The following PIP4K2B variants were observed in gnomAD, a reference collection of about 807,000 sequenced individuals.
PIP4K2B encodes phosphatidylinositol 5-phosphate 4-kinase type-2 beta.
A neutral mutation model predicts 42.0 loss-of-function variants in PIP4K2B; 3 were observed. That is an observed-to-expected ratio of 0.07 (90% confidence interval 0.03 to 0.18). PIP4K2B has a LOEUF of 0.18. Ranked by LOEUF, PIP4K2B falls within the 10% of genes least tolerant of loss-of-function variation. PIP4K2B has a pLI of 1.00. For synonymous variants in PIP4K2B, 204 were observed against 210.1 expected (o/e 0.97, Z 0.25); for missense variants, 332 against 562.3 (o/e 0.59, Z 4.14).
intron 7 of PIP4K2B, among the ~76,000 whole-genome samples, chr17:38,772,979 G>T (rs750134647): frequency 2.6e-5 from 4 of 152,146 alleles, no homozygotes; most frequent in Non-Finnish European, 5.9e-5. Context: ...TTCTATCCGT[G>T]AAATTGTGAA....
chr17:38,767,035 T>G lies in PIP4K2B; in HGVS notation c.*2656A>C, dbSNP rs981979225. ...CCTCGCCTAATCAGCCATGTCGTTA[T>G]TCTTACACCTTTCTTCTTGGGAGAC... On this transcript the variant is annotated 3_prime_UTR_variant, in exon 10 of 10. Transcript: ENST00000619039. 6.6e-6 allele frequency: 1 copy of G among 152,280 alleles called. No individual in the cohort carries two copies. The highest frequency in any genetic ancestry group is 2.4e-5 in the African/African-American group (1 of 41,482). 9.4% of individuals were successfully genotyped at this position (152,280 alleles called of 1,614,324 possible). A position where few individuals can be genotyped will look rare whatever the true frequency, so the allele number is the denominator to read the frequency against.
rs1909444907 is a variant in PIP4K2B at position 38,777,753 on chromosome 17, C to T, written c.741G>A (p.Gly247=). The T allele has an allele frequency of 6.2e-7, 1 of 1,614,100 alleles. No individual in the cohort carries two copies. Among genetic ancestry groups the T allele is most frequent in the African/African-American group, 1.3e-5 (1 of 74,942 alleles). Residue 247 remains glycine, a synonymous_variant, in exon 7 of 10, where the codon GGG becomes GGA. Transcript: ENST00000619039. ...TCTCCTCTCCCACATGCAGCTTCTG[C>T]CCTTCATTGAGGAAGTCATTGTCTT... ...TFKDNDFLNE[G]QKLHVGEESK...
At position 38,777,697 on chromosome 17, in the gene PIP4K2B, C is replaced by T. The variant is rs185653010; in HGVS notation, c.797G>A (p.Arg266Gln). 1.6e-5 allele frequency: 25 copies of T among 1,609,890 alleles called. No individual in the cohort carries two copies. The highest frequency in any genetic ancestry group is 8.3e-5 in the Admixed American group (5 of 60,016). Reference sequence around the variant, plus strand: ...AAGGTTAGTAAGTACCTCAACGTCCCGCTTCAGTTTCTCCAGGAAGTTCTT... The same window carrying T: ...AAGGTTAGTAAGTACCTCAACGTCCTGCTTCAGTTTCTCCAGGAAGTTCTT... ...SKKNFLEKLK[R>Q]DVEFLAQLKI... Residue 266 changes from arginine (R) to glutamine (Q), a missense_variant, in exon 7 of 10, where the codon CGG (arginine) becomes CAG (glutamine). Transcript: ENST00000619039.
At chr17:38,774,940 TTGTGTG>T (rs144917475) in intron 7 of PIP4K2B, among the ~76,000 whole-genome samples, 3 of 149,508 alleles carry the variant, frequency 2.0e-5, no homozygotes, top group Admixed American at 6.7e-5. Context: ...TAATCAGTTT[TTGTGTG>T]TGTGTGTGTG....
At chr17:38,796,453 C>T (rs1052074768) in intron 1 of PIP4K2B, among the ~76,000 whole-genome samples, 2 of 152,200 alleles carry the variant, frequency 1.3e-5, no homozygotes, top group Admixed American at 6.5e-5. Flanking sequence ...CTCCATGCTC[C>T]TCTCTGAGGC....
intron 5 of PIP4K2B, among the ~76,000 whole-genome samples, chr17:38,778,956 A>G (rs1450304011): frequency 1.3e-5 from 2 of 152,194 alleles, no homozygotes; most frequent in African/African-American, 2.4e-5. Context: ...CACAGAGGGA[A>G]GGGATGGCGG....
rs58027566 is a variant in PIP4K2B, at chr17:38,791,406, A to ATTTTTTTTTTTTTTT, written c.160-4501_160-4487dup. ...TTTCCTAATCTGGCTCAGACTGCCA[A>ATTTTTTTTTTTTTTT]TTTTTTTTTTTTTTTTTTTTTTTTT... On this transcript the variant is annotated intron_variant, in intron 1 of 9. Transcript: ENST00000619039. Among the ~76,000 whole-genome samples, 13 of 91,158 alleles carry ATTTTTTTTTTTTTTT rather than the reference A, an allele frequency of 1.4e-4. 1 individual carries two copies. Among genetic ancestry groups the ATTTTTTTTTTTTTTT allele is most frequent in the Admixed American group, 2.6e-4 (2 of 7,592 alleles). 59.8% of individuals were successfully genotyped at this position (91,158 alleles called of 152,430 possible). A position where few individuals can be genotyped will look rare whatever the true frequency, so the allele number is the denominator to read the frequency against.
Position 38,799,289 on chromosome 17 carries a change from G to A in PIP4K2B, c.136C>T (p.Leu46=). 4 of 1,606,646 alleles carry A rather than the reference G, an allele frequency of 2.5e-6. No individual in the cohort carries two copies. The highest frequency in any genetic ancestry group is 3.4e-6 in the Non-Finnish European group (4 of 1,177,260). Residue 46 remains leucine (L), a synonymous_variant, in exon 1 of 10, where the codon CTG becomes TTG. Coordinates refer to ENST00000619039, the MANE Select transcript of PIP4K2B (RefSeq NM_003559.5). The surrounding 1 kb of genome is among the most constrained non-coding windows in gnomAD (Gnocchi z 4.4). ...FRASEPILSV[L]MWGVNHTINE... is the part of the protein sequence containing the mutation. ...ACCGTGTGGTTCACCCCCCACATCAGGACGCTGAGGATCGGCTCGCTGGCC... is the reference window on the plus strand; with the variant it reads ...ACCGTGTGGTTCACCCCCCACATCAAGACGCTGAGGATCGGCTCGCTGGCC...
rs1346545510 is a variant in PIP4K2B, at chr17:38,799,485, C to A, written c.-61G>T. ...GCGGCGGAGACAGCGCACAAGCCAG[C>A]GGCCTCAGGCCTCCCCCGGACCGAT... On this transcript the variant is annotated 5_prime_UTR_variant, in exon 1 of 10. Transcript: ENST00000619039. The surrounding 1 kb of genome is among the most constrained non-coding windows in gnomAD (Gnocchi z 4.4). 1.4e-6 allele frequency: 2 copies of A among 1,479,428 alleles called. No individual in the cohort carries two copies. The highest frequency in any genetic ancestry group is 4.9e-5 in the Admixed American group (2 of 41,056). 91.6% of individuals were successfully genotyped at this position (1,479,428 alleles called of 1,614,324 possible).
chr17:38,789,180 A>G (rs954811939), intron 1 of PIP4K2B, among the ~76,000 whole-genome samples: 1 of 152,186 alleles, frequency 6.6e-6, no homozygotes, highest in African/African-American at 2.4e-5. Flanking sequence ...CATACACTAA[A>G]CTAAGGGAGA....
chr17:38,776,637 CAAAA>C lies in PIP4K2B; in HGVS notation c.807+1046_807+1049del, dbSNP rs764797087. On this transcript the variant is annotated intron_variant, in intron 7 of 9. Coordinates refer to ENST00000619039, the MANE Select transcript of PIP4K2B (RefSeq NM_003559.5). The stretch of plus-strand genomic sequence containing the variant: ...AGAACGAGAATCTCCTAAAAAAAAA[CAAAA>C]CAAACAAACAAACAAAAAAAACACC... 1.0e-4 allele frequency: 45 copies of C among 439,382 alleles called. No individual in the cohort carries two copies. The East Asian group carries it at 1.9e-3, about 19-fold the overall frequency. The allele number at this position is 439,382 out of a possible 1,614,324, so 27.2% of individuals were successfully genotyped here.
chr17:38,775,980 CTTTTT>C (rs562942370), intron 7 of PIP4K2B: 3 of 401,346 alleles, frequency 7.5e-6, no homozygotes, highest in African/African-American at 4.3e-5. Context: ...TGTTTGCTTC[CTTTTT>C]TTTTTTTTAT....
At chr17:38,789,473 G>A (rs1194181778) in intron 1 of PIP4K2B, among the ~76,000 whole-genome samples, 1 of 152,182 alleles carries the variant, frequency 6.6e-6, no homozygotes, top group Non-Finnish European at 1.5e-5. Context: ...TGGGGGGAGG[G>A]GGCACAGCCT....
intron 3 of PIP4K2B, among the ~76,000 whole-genome samples, chr17:38,781,587 G>C (rs1170038854): frequency 2.0e-5 from 3 of 152,150 alleles, no homozygotes; most frequent in African/African-American, 7.2e-5. Context: ...TGAGATCTCA[G>C]CTCACTGCAG....
chr17:38,795,824 T>A (rs927460272), intron 1 of PIP4K2B, among the ~76,000 whole-genome samples: 2 of 151,318 alleles, frequency 1.3e-5, no homozygotes, highest in African/African-American at 4.9e-5. Flanking sequence ...ACATCATTAG[T>A]TATCACAGAA....
chr17:38,781,004 G>T (rs183261770), intron 3 of PIP4K2B, among the ~76,000 whole-genome samples: 122 of 152,162 alleles, frequency 8.0e-4, no homozygotes, highest in African/African-American at 2.9e-3. Context: ...TTCCTCATCA[G>T]GAACACAAAG....
At chr17:38,779,163 A>G (rs1424094528) in intron 5 of PIP4K2B, among the ~76,000 whole-genome samples, 1 of 152,218 alleles carries the variant, frequency 6.6e-6, no homozygotes, top group Non-Finnish European at 1.5e-5. Context: ...CAACTGCTGC[A>G]TAAATATGGC....
chr17:38,784,874 A>T (rs1259271676), intron 2 of PIP4K2B, among the ~76,000 whole-genome samples: 1 of 152,180 alleles, frequency 6.6e-6, no homozygotes, highest in East Asian at 1.9e-4. Flanking sequence ...TGCTTACTAC[A>T]GTGGGAACCT....
Position 38,771,079 on chromosome 17 carries a change from G to A in PIP4K2B, c.1001C>T (p.Pro334Leu). Reference sequence around the variant, plus strand: ...GAATTCCCCAGGACCAAAGAACCGAGGAAAGCTGAGGAGGTTGCCAGGGCT... The same window carrying A: ...GAATTCCCCAGGACCAAAGAACCGAAGAAAGCTGAGGAGGTTGCCAGGGCT... Reference protein sequence around the residue: ...PDSPGNLLSFPRFFGPGEFDP... With the variant: ...PDSPGNLLSFLRFFGPGEFDP... Residue 334 changes from proline (P) to leucine (L), a missense_variant, in exon 8 of 10, where the codon CCT becomes CTT. Pro to Leu is a moderately conservative substitution (Grantham distance 98). This residue lies in a region of PIP4K2B where 63 missense variants were observed against 71.6 expected (regional missense o/e 0.88). Coordinates refer to ENST00000619039, the MANE Select transcript of PIP4K2B (RefSeq NM_003559.5). 1 of 1,614,164 alleles carries A rather than the reference G, an allele frequency of 6.2e-7. No individual in the cohort carries two copies. Among genetic ancestry groups the A allele is most frequent in the Non-Finnish European group, 8.5e-7 (1 of 1,180,022 alleles).
Sources: allele counts gnomAD v4.1 joint callset (sites outside exome capture counted in the v4.1 genomes callset), GRCh38; gene constraint gnomAD v4.1.1; regional missense constraint gnomAD v4.1.1; non-coding constraint Gnocchi (gnomAD v3.1); transcripts MANE v1.5; gene names NCBI Gene and HGNC (gene_info 2026-07-23, HGNC 2026-07-21).